The following COBL variants were observed in gnomAD, a reference collection of about 807,000 sequenced individuals.
The protein encoded by COBL is cordon-bleu WH2 repeat protein, also known as protein cordon-bleu.
In COBL, 51 loss-of-function variants were observed where a neutral mutation model predicts 98.8. The ratio of observed to expected loss-of-function variants is 0.52; its 90% CI spans 0.41 to 0.65. The LOEUF (loss-of-function observed/expected upper bound fraction) is 0.65, where lower values mean the gene tolerates loss of function less well. Ranked by LOEUF, COBL falls within the 30% of genes least tolerant of loss-of-function variation. The pLI, the probability that COBL is intolerant of heterozygous loss-of-function variation, is 0.00. For synonymous variants in COBL, 634 were observed against 651.7 expected (o/e 0.97, Z 0.41); for missense variants, 1,617 against 1,617.5 (o/e 1.00, Z 0.01).
intron 2 of COBL, 40 bp from the exon 3 acceptor site, chr7:51,193,629 T>C (rs1371118707): frequency 3.2e-6 from 5 of 1,571,078 alleles, no homozygotes; most frequent in Non-Finnish European, 4.4e-6. Flanking sequence ...TAGGAATGAC[T>C]GCACTCTCTC....
At chr7:51,044,593 T>A (rs1308550356) in intron 7 of COBL, among the ~76,000 whole-genome samples, 1 of 152,236 alleles carries the variant, frequency 6.6e-6, no homozygotes, top group Non-Finnish European at 1.5e-5. Flanking sequence ...TCAAGACACT[T>A]CAGGACATAT....
At chr7:51,179,655 T>G (rs1000617837) in intron 5 of COBL, among the ~76,000 whole-genome samples, 8 of 152,218 alleles carry the variant, frequency 5.3e-5, no homozygotes, top group African/African-American at 1.9e-4. Context: ...TCCTAAAAGT[T>G]CTTTGTAAAT....
intron 5 of COBL, among the ~76,000 whole-genome samples, chr7:51,178,298 TAAAAC>T (rs1287769317): frequency 2.0e-5 from 3 of 152,080 alleles, no homozygotes; most frequent in Non-Finnish European, 4.4e-5. Context: ...AAATGATAGA[TAAAAC>T]TAAATGGGTA....
intron 2 of COBL, among the ~76,000 whole-genome samples, chr7:51,199,975 C>T (rs2129064032): frequency 6.6e-6 from 1 of 152,090 alleles, no homozygotes; most frequent in East Asian, 1.9e-4. Flanking sequence ...TAGTTTGTCT[C>T]AAATATTAAG....
intron 6 of COBL, 23 bp downstream of exon 6, chr7:51,136,135 G>C (rs1011430386): frequency 1.3e-6 from 2 of 1,597,778 alleles, no homozygotes; most frequent in Non-Finnish European, 1.7e-6. Flanking sequence ...TGCTTTGGTT[G>C]TGAGAACAGC....
chr7:51,105,811 A>C (rs1305649476), intron 6 of COBL, among the ~76,000 whole-genome samples: 1 of 151,990 alleles, frequency 6.6e-6, no homozygotes, highest in Non-Finnish European at 1.5e-5. Flanking sequence ...GCCTGGGAAA[A>C]CAAGGCTTAA....
intron 7 of COBL, among the ~76,000 whole-genome samples, chr7:51,056,865 T>C (rs942912088): frequency 1.1e-4 from 16 of 144,552 alleles, no homozygotes; most frequent in African/African-American, 2.3e-4. Context: ...AAAACCATCA[T>C]AGTAGTCCCT....
intron 1 of COBL, among the ~76,000 whole-genome samples, chr7:51,314,378 C>T (rs1455525785): frequency 1.3e-5 from 2 of 152,198 alleles, no homozygotes; most frequent in Non-Finnish European, 2.9e-5. Context: ...TTCCCTCAAG[C>T]ACACTGCAAA....
chr7:51,299,935 T>C (rs1801771101), intron 1 of COBL, among the ~76,000 whole-genome samples: 1 of 152,330 alleles, frequency 6.6e-6, no homozygotes, highest in East Asian at 1.9e-4. Flanking sequence ...AGTCTGCAGA[T>C]GCTCACTCCT....
chr7:51,172,162 A>C (rs1787930620), intron 5 of COBL, among the ~76,000 whole-genome samples: 2 of 152,230 alleles, frequency 1.3e-5, no homozygotes, highest in Admixed American at 6.5e-5. Context: ...CAAAACCACC[A>C]GGCTACTCCT....
intron 5 of COBL, among the ~76,000 whole-genome samples, chr7:51,158,453 T>A (rs140650871): frequency 0.011 from 1,704 of 149,296 alleles, 35 homozygotes; most frequent in African/African-American, 0.039. Context: ...AGGGAAGGAC[T>A]ATAGGTCCGC....
At chr7:51,055,601 C>T (rs1205684061) in intron 7 of COBL, among the ~76,000 whole-genome samples, 1 of 152,204 alleles carries the variant, frequency 6.6e-6, no homozygotes, top group Non-Finnish European at 1.5e-5. Flanking sequence ...AGACCCCATA[C>T]CCCCATGAGT....
At chr7:51,288,809 C>A in intron 1 of COBL, among the ~76,000 whole-genome samples, 1 of 118,354 alleles carries the variant, frequency 8.4e-6, no homozygotes, top group Admixed American at 9.5e-5. Context: ...GAAATAAGAA[C>A]TGAATTCAAA....
intron 1 of COBL, among the ~76,000 whole-genome samples, chr7:51,315,809 G>C (rs1016137094): frequency 2.0e-5 from 3 of 152,234 alleles, no homozygotes; most frequent in African/African-American, 7.2e-5. Flanking sequence ...GTCAAATCCT[G>C]AATGTGACGT....
At chr7:51,234,153 C>T (rs775175093) in intron 1 of COBL, among the ~76,000 whole-genome samples, 38 of 152,328 alleles carry the variant, frequency 2.5e-4, no homozygotes, top group East Asian at 1.2e-3. Context: ...TTTAATTCTC[C>T]GTTGAAAATA....
At chr7:51,049,148 T>C (rs1387273339) in intron 7 of COBL, among the ~76,000 whole-genome samples, 4 of 152,194 alleles carry the variant, frequency 2.6e-5, no homozygotes, top group Admixed American at 6.5e-5. Flanking sequence ...CTTTGTCAAT[T>C]TGGTTGGAAA....
chr7:51,184,094 T>A lies in COBL; in HGVS notation c.783+8A>T. On this transcript the variant is annotated splice_region_variant and intron_variant, in intron 5 of 12. Transcript: ENST00000265136. Reference sequence around the variant, plus strand: ...GATACAAAATCATATGTGTATTTAATCCATTACCTTACTATTGCTTCTTTT... The same window carrying A: ...GATACAAAATCATATGTGTATTTAAACCATTACCTTACTATTGCTTCTTTT... 2 of 1,319,612 alleles carry A rather than the reference T, an allele frequency of 1.5e-6. No individual in the cohort carries two copies. The highest frequency in any genetic ancestry group is 2.1e-6 in the Non-Finnish European group (2 of 946,878). The allele number at this position is 1,319,612 out of a possible 1,614,324, so 81.7% of individuals were successfully genotyped here.
intron 7 of COBL, among the ~76,000 whole-genome samples, chr7:51,075,706 G>C (rs1255343385): frequency 6.6e-6 from 1 of 152,132 alleles, no homozygotes; most frequent in South Asian, 2.1e-4. Context: ...TCTCAAGTTA[G>C]GGACATTGTA....
intron 1 of COBL, among the ~76,000 whole-genome samples, chr7:51,254,638 G>C (rs569766983): frequency 6.6e-6 from 1 of 152,156 alleles, no homozygotes; most frequent in Non-Finnish European, 1.5e-5. Context: ...TTCTCAATCA[G>C]ATTCTAGAAT....
Sources: gnomAD v4.1 joint callset for allele counts (sites outside exome capture counted in the v4.1 genomes callset) on GRCh38, gnomAD v4.1.1 for gene constraint, MANE v1.5 for transcripts, NCBI Gene and HGNC (gene_info 2026-07-23, HGNC 2026-07-21) for gene names.